SLC12A2: variants seen among roughly 807,000 people sequenced by gnomAD.
SLC12A2 encodes the protein solute carrier family 12 member 2.
A neutral mutation model predicts 136.3 loss-of-function variants in SLC12A2; 67 were observed. The observed-to-expected ratio is 0.49, with a 90% CI of 0.40 to 0.60. The LOEUF (loss-of-function observed/expected upper bound fraction) is 0.60, where lower values mean the gene tolerates loss of function less well. Ranked by LOEUF, SLC12A2 falls within the 20% of genes least tolerant of loss-of-function variation. The pLI is 0.00. For missense variants in SLC12A2, 1,322 were observed against 1,534.7 expected, an observed-to-expected ratio of 0.86 and a Z score of 2.32; for synonymous variants, 619 against 562.9, an observed-to-expected ratio of 1.10 and a Z score of -1.41.
chr5:128,107,815 G>A (rs1295783144), intron 1 of SLC12A2, among the ~76,000 whole-genome samples: 1 of 152,076 alleles, frequency 6.6e-6, no homozygotes, highest in Non-Finnish European at 1.5e-5. Context: ...CCAGTAATGG[G>A]ATTGCTGGGT....
intron 4 of SLC12A2, among the ~76,000 whole-genome samples, chr5:128,126,972 T>TATATATATATATATATAA (rs1761833098): frequency 1.0e-5 from 1 of 99,198 alleles, no homozygotes; most frequent in African/African-American, 6.1e-5. Context: ...ATATATTTTT[T>TATATATATATATATATAA]TTTTTTTTTT....
At chr5:128,108,032 GTGA>G (rs1323068629) in intron 1 of SLC12A2, among the ~76,000 whole-genome samples, 9 of 152,112 alleles carry the variant, frequency 5.9e-5, no homozygotes, top group African/African-American at 2.2e-4. Context: ...CTAATGACCA[GTGA>G]TGATGAGCAT....
intron 17 of SLC12A2, among the ~76,000 whole-genome samples, chr5:128,164,527 G>T (rs1763142929): frequency 6.6e-6 from 1 of 152,178 alleles, no homozygotes; most frequent in Non-Finnish European, 1.5e-5. Flanking sequence ...TGTACAACTA[G>T]TAACTGAAAT....
chr5:128,112,908 A>C lies in SLC12A2; in HGVS notation c.851A>C (p.Lys284Thr). Residue 284 changes from lysine to threonine, a missense_variant, in exon 2 of 27, where the codon AAG becomes ACG. Transcript: ENST00000262461. ...TYTAESKGVV[K>T]FGWIKGVLVR... is the part of the protein sequence containing the mutation. ...ACTGCAGAAAGTAAAGGAGTCGTGAAGTTTGGCTGGATCAAGGGTGTATTA... is the reference window on the plus strand; with the variant it reads ...ACTGCAGAAAGTAAAGGAGTCGTGACGTTTGGCTGGATCAAGGGTGTATTA... 6.2e-7 allele frequency: 1 copy of C among 1,612,954 alleles called. No homozygotes were observed. The highest frequency in any genetic ancestry group is 8.5e-7 in the Non-Finnish European group (1 of 1,179,360).
At chr5:128,120,792 T>A (rs912448987) in intron 4 of SLC12A2, among the ~76,000 whole-genome samples, 43 of 152,190 alleles carry the variant, frequency 2.8e-4, no homozygotes, top group African/African-American at 9.9e-4. Flanking sequence ...CACACCAGCA[T>A]GGCACATGTG....
intron 4 of SLC12A2, among the ~76,000 whole-genome samples, chr5:128,128,240 T>C (rs1761891960): frequency 6.6e-6 from 1 of 152,174 alleles, no homozygotes; most frequent in African/African-American, 2.4e-5. Flanking sequence ...AGGCTTTTGA[T>C]TAGCCTAGTT....
At chr5:128,149,452 A>G (rs1304918086) in intron 12 of SLC12A2, among the ~76,000 whole-genome samples, 5 of 151,716 alleles carry the variant, frequency 3.3e-5, no homozygotes, top group African/African-American at 1.2e-4. Flanking sequence ...CTAGGTATGT[A>G]CCCTATAGAA....
chr5:128,167,584 A>T (rs1561699608), intron 17 of SLC12A2, among the ~76,000 whole-genome samples, 177 bp from the exon 18 acceptor site: 1 of 152,090 alleles, frequency 6.6e-6, no homozygotes, highest in Non-Finnish European at 1.5e-5. Context: ...TTTAATTTTA[A>T]GTAATATCAA....
chr5:128,164,870 C>G (rs1392614008), intron 17 of SLC12A2, among the ~76,000 whole-genome samples: 1 of 133,936 alleles, frequency 7.5e-6, no homozygotes, highest in South Asian at 2.4e-4. Flanking sequence ...TTTTTGGAGA[C>G]AGAATCTCAC....
intron 1 of SLC12A2, among the ~76,000 whole-genome samples, chr5:128,091,490 G>C (rs1405786399): frequency 6.6e-6 from 1 of 152,174 alleles, no homozygotes. Context: ...CAAAGGGGTA[G>C]GGAACTAGTG....
In SLC12A2 at chr5:128,186,559, T is replaced by C; in HGVS notation, c.3567T>C (p.Ala1189=). 3 of 1,613,700 alleles carry C rather than the reference T, an allele frequency of 1.9e-6. No homozygotes were observed. Among genetic ancestry groups the C allele is most frequent in the Non-Finnish European group, 2.5e-6 (3 of 1,179,882 alleles). The change falls in exon 27 of 27, where the codon GCT becomes GCC. Residue 1189 remains alanine (A), a synonymous_variant. Coordinates refer to ENST00000262461, the MANE Select transcript of SLC12A2 (RefSeq NM_001046.3). ...SSALYMAWLE[A]LSKDLPPILL... ...CTCTCTACATGGCATGGTTAGAAGCTCTATCTAAGGACCTACCACCAATCC... is the reference window on the plus strand; with the variant it reads ...CTCTCTACATGGCATGGTTAGAAGCCCTATCTAAGGACCTACCACCAATCC...
chr5:128,086,095 A>G (rs766795984), intron 1 of SLC12A2, among the ~76,000 whole-genome samples: 4 of 152,196 alleles, frequency 2.6e-5, no homozygotes, highest in Non-Finnish European at 2.9e-5. Context: ...ACTAATGAAA[A>G]TATTATACAG....
chr5:128,153,115 T>C (rs1216360163), intron 15 of SLC12A2, among the ~76,000 whole-genome samples: 1 of 152,220 alleles, frequency 6.6e-6, no homozygotes. Context: ...TGACATGCGT[T>C]ATTTTGTAAC....
At chr5:128,110,090 G>C in intron 1 of SLC12A2, 1 of 949,128 alleles carries the variant, frequency 1.1e-6, no homozygotes, top group Non-Finnish European at 1.8e-6. Context: ...TTTATATCAA[G>C]TCTCATGGTG....
Position 128,083,929 on chromosome 5 carries a change from G to A in SLC12A2, c.-26G>A. The A allele has an allele frequency of 4.9e-6, 6 of 1,224,694 alleles. No individual in the cohort carries two copies. Among genetic ancestry groups the A allele is most frequent in the Non-Finnish European group, 6.1e-6 (6 of 982,818 alleles). The allele number at this position is 1,224,694 out of a possible 1,614,324, so 75.9% of individuals were successfully genotyped here. A position where few individuals can be genotyped will look rare whatever the true frequency, so the allele number is the denominator to read the frequency against. On this transcript the variant is annotated 5_prime_UTR_variant, in exon 1 of 27. Transcript: ENST00000262461. Reference sequence around the variant, plus strand: ...CTGCCGGAGACGTCCGCCGGGCTCTGCAGTTCCGCCGGGGGTCGGGCAGCT... The same window carrying A: ...CTGCCGGAGACGTCCGCCGGGCTCTACAGTTCCGCCGGGGGTCGGGCAGCT...
chr5:128,084,181 C>A lies in SLC12A2; in HGVS notation c.227C>A (p.Pro76Gln). The change falls in exon 1 of 27, where the codon CCG becomes CAG. Residue 76 changes from proline to glutamine, a missense_variant. Pro to Gln is a moderately conservative substitution (Grantham distance 76). Coordinates refer to ENST00000262461, the MANE Select transcript of SLC12A2 (RefSeq NM_001046.3). This position sits in a 1 kb window ranked among gnomAD's most constrained non-coding sequence, Gnocchi z 5.6. ...CTGGGCAGACCCTTGGGGCCCACCC[C>A]GAGCCAGAGCCGTTTCCAGGTGGAC... is the stretch of plus-strand genomic sequence containing the variant. ...DGLGRPLGPT[P>Q]SQSRFQVDLV... 1 of 1,292,240 alleles carries A rather than the reference C, an allele frequency of 7.7e-7. No homozygotes were observed. The highest frequency in any genetic ancestry group is 9.7e-7 in the Non-Finnish European group (1 of 1,028,536). 80.0% of individuals were successfully genotyped at this position (1,292,240 alleles called of 1,614,324 possible).
chr5:128,125,694 G>C (rs551966517), intron 4 of SLC12A2, among the ~76,000 whole-genome samples: 59 of 151,726 alleles, frequency 3.9e-4, no homozygotes, highest in African/African-American at 1.1e-3. Flanking sequence ...TTTTATGCTA[G>C]TGCTTTGTTC....
intron 4 of SLC12A2, among the ~76,000 whole-genome samples, chr5:128,121,051 T>TA (rs1378546672): frequency 1.3e-5 from 2 of 152,252 alleles, no homozygotes; most frequent in Non-Finnish European, 2.9e-5. Flanking sequence ...TCCCTAGTGT[T>TA]ATGTACATTT....
chr5:128,107,199 CAGT>C (rs1760971283), intron 1 of SLC12A2, among the ~76,000 whole-genome samples: 2 of 152,282 alleles, frequency 1.3e-5, no homozygotes, highest in African/African-American at 2.4e-5. Context: ...ACACATTAAA[CAGT>C]GGTGGAAGTA....
Sources: gnomAD v4.1 joint callset for allele counts (sites outside exome capture counted in the v4.1 genomes callset) on GRCh38, gnomAD v4.1.1 for gene constraint, Gnocchi (gnomAD v3.1) non-coding constraint, MANE v1.5 for transcripts, NCBI Gene and HGNC (gene_info 2026-07-23, HGNC 2026-07-21) for gene names.